LTBP1: variants seen among roughly 807,000 people sequenced by gnomAD.
LTBP1 encodes latent-transforming growth factor beta-binding protein 1.
Under a neutral mutation model 207.6 loss-of-function variants are expected in LTBP1, and 129 were observed. The ratio of observed to expected loss-of-function variants is 0.62; its 90% CI spans 0.54 to 0.72. The LOEUF is 0.72. LTBP1 is among the 30% of genes least tolerant of loss of function. The probability of loss-of-function intolerance (pLI) is 0.00; values close to 1 mark genes in which losing one functional copy is unlikely to be tolerated. For synonymous variants in LTBP1, 963 were observed against 833.7 expected (o/e 1.16, Z -2.67); for missense variants, 2,281 against 2,217.2 (o/e 1.03, Z -0.58).
At chr2:33,201,571 A>C (rs1214308383) in intron 7 of LTBP1, among the ~76,000 whole-genome samples, 2 of 152,104 alleles carry the variant, frequency 1.3e-5, no homozygotes, top group Non-Finnish European at 2.9e-5. Flanking sequence ...TGGCACATGT[A>C]TACATATGTA....
chr2:33,179,819 T>G (rs1317544568), intron 5 of LTBP1, among the ~76,000 whole-genome samples: 1 of 152,170 alleles, frequency 6.6e-6, no homozygotes, highest in Non-Finnish European at 1.5e-5. Context: ...CAGATCTGCC[T>G]GGGTCCTAAG....
At chr2:33,305,358 T>TA (rs544919933) in intron 22 of LTBP1, among the ~76,000 whole-genome samples, 189 of 151,916 alleles carry the variant, frequency 1.2e-3, no homozygotes, top group African/African-American at 4.0e-3. Flanking sequence ...GTAAAATATA[T>TA]AGTTCGTTAA....
At chr2:33,375,127 C>T (rs1225664029) in intron 31 of LTBP1, among the ~76,000 whole-genome samples, 1 of 152,154 alleles carries the variant, frequency 6.6e-6, no homozygotes, top group Non-Finnish European at 1.5e-5. Flanking sequence ...TGTTAATTTC[C>T]TCACTTGAAA....
chr2:33,378,405 T>C (rs2095171351), intron 31 of LTBP1, among the ~76,000 whole-genome samples: 2 of 152,034 alleles, frequency 1.3e-5, no homozygotes, highest in South Asian at 2.1e-4. Flanking sequence ...TTTTTTATTA[T>C]TATTTTAGTA....
chr2:33,291,230 A>G lies in LTBP1; in HGVS notation c.3113-1930A>G, dbSNP rs867434286. The stretch of plus-strand genomic sequence containing the variant: ...AGTAGCCTAGAAAAATAGAAGTTTT[A>G]TAAGTATCTCCTAAATGGTAATCTG... On this transcript the variant is annotated intron_variant, in intron 19 of 33. Transcript: ENST00000404816. Among the ~76,000 whole-genome samples, 5 of 152,374 alleles carry G rather than the reference A, an allele frequency of 3.3e-5. No individual in the cohort carries two copies. The South Asian group carries it at 8.3e-4, about 25-fold the overall frequency.
Position 33,275,036 on chromosome 2 carries a change from T to C in LTBP1, c.2815T>C (p.Leu939=). ...GRCENTEGSF[L]CICPAGFMAS... Reference sequence around the variant, plus strand: ...CTGTGAAAACACCGAGGGAAGTTTCTTGTGCATTTGCCCAGCAGGATTTAT... The same window carrying C: ...CTGTGAAAACACCGAGGGAAGTTTCCTGTGCATTTGCCCAGCAGGATTTAT... Residue 939 remains leucine, a synonymous_variant, in exon 17 of 34, where the codon TTG becomes CTG. Transcript: ENST00000404816. 1 of 1,614,126 alleles carries C rather than the reference T, an allele frequency of 6.2e-7. No homozygotes were observed. Among genetic ancestry groups the C allele is most frequent in the Non-Finnish European group, 8.5e-7 (1 of 1,179,982 alleles).
chr2:33,235,820 A>G (rs557876694), intron 9 of LTBP1, among the ~76,000 whole-genome samples: 115 of 152,266 alleles, frequency 7.6e-4, no homozygotes, highest in African/African-American at 2.7e-3. Context: ...ACCAAACACC[A>G]CATGTTCTCA....
At chr2:33,198,310 T>C (rs1369115453) in intron 7 of LTBP1, among the ~76,000 whole-genome samples, 1 of 152,230 alleles carries the variant, frequency 6.6e-6, no homozygotes, top group African/African-American at 2.4e-5. Flanking sequence ...TAGTATTTTT[T>C]TGAGGATTTT....
intron 19 of LTBP1, among the ~76,000 whole-genome samples, chr2:33,284,923 A>G (rs561138513): frequency 9.2e-5 from 14 of 152,158 alleles, no homozygotes; most frequent in African/African-American, 2.9e-4. Context: ...AACCCCATCC[A>G]TGCTACAACC....
intron 9 of LTBP1, among the ~76,000 whole-genome samples, chr2:33,238,157 G>A (rs1465064283): frequency 6.6e-6 from 1 of 152,126 alleles, no homozygotes; most frequent in African/African-American, 2.4e-5. Flanking sequence ...TACTGCTAAT[G>A]GAATTCTGTC....
intron 7 of LTBP1, among the ~76,000 whole-genome samples, chr2:33,201,154 G>C (rs1198492696): frequency 6.6e-6 from 1 of 152,070 alleles, no homozygotes. Flanking sequence ...TATAAATCAT[G>C]CTGCTATAAA....
At chr2:33,061,625 G>A (rs143669819) in intron 3 of LTBP1, among the ~76,000 whole-genome samples, 11 of 152,162 alleles carry the variant, frequency 7.2e-5, no homozygotes, top group African/African-American at 1.7e-4. Context: ...TAATACTGTC[G>A]CGTGAATAAG....
intron 23 of LTBP1, 88 bp from the exon 24 acceptor site, chr2:33,315,056 A>G (rs1165562828): frequency 7.5e-6 from 8 of 1,064,090 alleles, no homozygotes; most frequent in East Asian, 7.5e-5. Context: ...CAGCCATGTC[A>G]TAATAGATTT....
intron 3 of LTBP1, among the ~76,000 whole-genome samples, chr2:33,076,776 C>T (rs1276827253): frequency 1.3e-5 from 2 of 152,044 alleles, no homozygotes; most frequent in African/African-American, 4.8e-5. Flanking sequence ...ACCTCGTGAT[C>T]CACCCGTCTC....
At chr2:33,383,447 G>C (rs1340703587) in intron 31 of LTBP1, among the ~76,000 whole-genome samples, 1 of 152,232 alleles carries the variant, frequency 6.6e-6, no homozygotes, top group Non-Finnish European at 1.5e-5. Context: ...CTGTTTCCTA[G>C]TTGTGTGTTT....
At chr2:33,290,043 C>G (rs1312744928) in intron 19 of LTBP1, among the ~76,000 whole-genome samples, 2 of 152,204 alleles carry the variant, frequency 1.3e-5, no homozygotes, top group Non-Finnish European at 1.5e-5. Flanking sequence ...ATGGCCACTT[C>G]TGGTGAGAGC....
intron 9 of LTBP1, among the ~76,000 whole-genome samples, chr2:33,240,401 G>A (rs1049230640): frequency 6.6e-5 from 10 of 152,136 alleles, no homozygotes; most frequent in Non-Finnish European, 1.2e-4. Context: ...GATACAATGC[G>A]TTCAGTTCAA....
chr2:33,249,130 C>T (rs2092605178), intron 10 of LTBP1, among the ~76,000 whole-genome samples: 1 of 152,134 alleles, frequency 6.6e-6, no homozygotes, highest in Non-Finnish European at 1.5e-5. Flanking sequence ...GTTAGCTAGA[C>T]TTTTAAACCC....
At chr2:33,011,832 A>G (rs1687712333) in intron 2 of LTBP1, among the ~76,000 whole-genome samples, 1 of 152,006 alleles carries the variant, frequency 6.6e-6, no homozygotes, top group Non-Finnish European at 1.5e-5. Flanking sequence ...CTGATCGCTT[A>G]TGAAACATAA....
Sources: allele counts gnomAD v4.1 joint callset (sites outside exome capture counted in the v4.1 genomes callset), GRCh38; gene constraint gnomAD v4.1.1; transcripts MANE v1.5; gene names NCBI Gene and HGNC (gene_info 2026-07-23, HGNC 2026-07-21).